Variants in FRMPD4 observed in about 807,000 individuals in gnomAD.
The protein encoded by FRMPD4 is FERM and PDZ domain-containing protein 4.
FRMPD4 carries 22 observed loss-of-function variants against 94.1 expected under a neutral mutation model. The observed-to-expected ratio is 0.23, with a 90% CI of 0.17 to 0.33. The LOEUF is 0.33. Among genes scored for constraint, FRMPD4 ranks in the 10% least tolerant of loss-of-function variants. The pLI is 1.00. For missense variants in FRMPD4, 1,111 were observed against 1,339.9 expected, an observed-to-expected ratio of 0.83 and a Z score of 2.67; for synonymous variants, 631 against 548.6, an observed-to-expected ratio of 1.15 and a Z score of -2.10.
intron 4 of FRMPD4, among the ~76,000 whole-genome samples, chrX:12,649,681 GTTC>G (rs1569387210): frequency 8.9e-6 from 1 of 112,600 alleles, no homozygotes; most frequent in Non-Finnish European, 1.9e-5. Context: ...ACTCGGAAGA[GTTC>G]TTGAGAAATA....
chrX:12,392,092 G>A (rs1005952511), intron 1 of FRMPD4, among the ~76,000 whole-genome samples: 1 of 109,231 alleles, frequency 9.2e-6, no homozygotes, highest in Admixed American at 9.7e-5. Context: ...GCAGTGCAGT[G>A]GTGCAATCTT....
At chrX:12,680,188 G>C (rs893831305) in intron 5 of FRMPD4, among the ~76,000 whole-genome samples, 9 of 112,023 alleles carry the variant, frequency 8.0e-5, no homozygotes, top group Non-Finnish European at 1.1e-4. Context: ...GGCCATCTTA[G>C]CAACAGCAAA....
intron 1 of FRMPD4, among the ~76,000 whole-genome samples, chrX:11,851,303 T>C (rs1278361102): frequency 2.7e-5 from 3 of 111,999 alleles, no homozygotes; most frequent in African/African-American, 9.7e-5. Flanking sequence ...GATTTCCTCA[T>C]CCCAGAAATG....
At chrX:12,019,251 A>G (rs908167368) in intron 3 of FRMPD4, among the ~76,000 whole-genome samples, 1 of 108,322 alleles carries the variant, frequency 9.2e-6, no homozygotes, top group Non-Finnish European at 1.9e-5. Flanking sequence ...CATTCCTCTG[A>G]AAATCTTTGT....
At chrX:12,455,784 G>A (rs1311101291) in intron 1 of FRMPD4, among the ~76,000 whole-genome samples, 5 of 112,008 alleles carry the variant, frequency 4.5e-5, no homozygotes, top group Non-Finnish European at 9.4e-5. Flanking sequence ...CCTCATTATT[G>A]TTCTACCACA....
At chrX:12,509,659 C>T (rs1227262141) in intron 2 of FRMPD4, among the ~76,000 whole-genome samples, 2 of 110,694 alleles carry the variant, frequency 1.8e-5, no homozygotes, top group Non-Finnish European at 3.8e-5. Context: ...GATGGGTGCG[C>T]CAAAATCTCA....
chrX:12,038,884 T>A (rs1302168644), intron 3 of FRMPD4, among the ~76,000 whole-genome samples: 1 of 110,518 alleles, frequency 9.0e-6, no homozygotes, highest in East Asian at 2.8e-4. Context: ...ATTTTTTCTA[T>A]TTTTTTTTGT....
At chrX:12,322,151 A>G (rs116201347) in intron 1 of FRMPD4, among the ~76,000 whole-genome samples, 2,473 of 111,584 alleles carry the variant, frequency 0.022, 69 homozygotes, top group African/African-American at 0.077. Context: ...GGGGATTGGA[A>G]GGAGAATGAA....
At chrX:12,719,079 C>G (rs1213100492) in intron 16 of FRMPD4, among the ~76,000 whole-genome samples, 1 of 112,272 alleles carries the variant, frequency 8.9e-6, no homozygotes, top group African/African-American at 3.2e-5. Context: ...TTAGCAATGC[C>G]CAGTGTGACT....
intron 1 of FRMPD4, among the ~76,000 whole-genome samples, chrX:11,853,400 G>A (rs2053636282): frequency 9.1e-6 from 1 of 110,383 alleles, no homozygotes; most frequent in South Asian, 3.8e-4. Flanking sequence ...TAAAATCAGA[G>A]CTGAACTAAA....
intron 1 of FRMPD4, among the ~76,000 whole-genome samples, chrX:12,230,964 A>G (rs2056982787): frequency 1.5e-5 from 1 of 68,207 alleles, no homozygotes. Context: ...TATATATAGT[A>G]AATATATAGT....
At chrX:11,927,151 A>G (rs1269387782) in intron 3 of FRMPD4, among the ~76,000 whole-genome samples, 1 of 102,936 alleles carries the variant, frequency 9.7e-6, no homozygotes, top group Non-Finnish European at 2.0e-5. Flanking sequence ...AATTGCCACA[A>G]AAAAAAAAAA....
intron 1 of FRMPD4, among the ~76,000 whole-genome samples, chrX:12,334,923 C>T (rs1335247796): frequency 3.6e-5 from 4 of 110,370 alleles, no homozygotes; most frequent in Admixed American, 9.7e-5. Flanking sequence ...TACGTTATCT[C>T]ATTGCATCCT....
intron 3 of FRMPD4, among the ~76,000 whole-genome samples, chrX:11,915,878 G>A (rs1431782322): frequency 8.9e-6 from 1 of 111,896 alleles, no homozygotes; most frequent in African/African-American, 3.3e-5. Context: ...ACTCATGAGG[G>A]CTGCTATGAG....
intron 1 of FRMPD4, among the ~76,000 whole-genome samples, chrX:12,426,583 C>T (rs929322321): frequency 9.0e-6 from 1 of 111,529 alleles, no homozygotes; most frequent in African/African-American, 3.3e-5. Context: ...AGGAAGTCTG[C>T]ATGCCGCCCA....
chrX:12,130,102 AAGAGAGAGAGAGAGAG>A (rs10533802), intron 3 of FRMPD4, among the ~76,000 whole-genome samples: 15 of 92,741 alleles, frequency 1.6e-4, no homozygotes, highest in South Asian at 1.2e-3. Context: ...GAGCCAGCGG[AAGAGAGAGAGAGAGAG>A]AGAGAGAGAG....
intron 1 of FRMPD4, 77 bp from the exon 2 acceptor site, chrX:12,498,603 T>C: frequency 1.6e-6 from 1 of 610,104 alleles, no homozygotes; most frequent in Non-Finnish European, 2.9e-6. Flanking sequence ...GCAAGTCACA[T>C]TCTCCTTCCA....
intron 1 of FRMPD4, among the ~76,000 whole-genome samples, chrX:12,256,731 A>C (rs978654743): frequency 8.9e-6 from 1 of 111,994 alleles, no homozygotes; most frequent in African/African-American, 3.2e-5. Flanking sequence ...GAAGGTAAAA[A>C]TCCAGAGGAC....
intron 1 of FRMPD4, among the ~76,000 whole-genome samples, chrX:12,335,838 A>G (rs758765988): frequency 1.8e-5 from 2 of 112,438 alleles, no homozygotes; most frequent in African/African-American, 6.5e-5. Flanking sequence ...AGGAACTGCT[A>G]TCCGCTTAGA....
Sources: allele counts gnomAD v4.1 joint callset (sites outside exome capture counted in the v4.1 genomes callset), GRCh38; gene constraint gnomAD v4.1.1; transcripts MANE v1.5; gene names NCBI Gene and HGNC (gene_info 2026-07-23, HGNC 2026-07-21).